MED28: variants seen among roughly 807,000 people sequenced by gnomAD.
MED28 encodes mediator of RNA polymerase II transcription subunit 28.
Under a neutral mutation model 21.3 loss-of-function variants are expected in MED28, and 26 were observed. The observed-to-expected ratio is 1.22, with a 90% confidence interval of 0.89 to 1.69. The LOEUF (loss-of-function observed/expected upper bound fraction) is 1.69. Ranked by LOEUF, MED28 falls within the 40% of genes most tolerant of loss-of-function variation. The probability of loss-of-function intolerance (pLI) is 0.00; values close to 1 mark genes in which losing one functional copy is unlikely to be tolerated. For synonymous variants in MED28, 110 were observed against 87.6 expected, an observed-to-expected ratio of 1.26 and a Z score of -1.43; for missense variants, 257 against 215.4, an observed-to-expected ratio of 1.19 and a Z score of -1.21.
Position 17,628,038 on chromosome 4 carries a change from TC to T in MED28, c.*4243del, listed in dbSNP as rs1714812724. ...TCCTGAGAAAGAAAAAAACCACCTG[TC>T]CCTGACATTCAGAAGCTGACAACAC... On this transcript the variant is annotated 3_prime_UTR_variant, in exon 4 of 4. Coordinates refer to ENST00000237380, the MANE Select transcript of MED28 (RefSeq NM_025205.5). 1 of 152,116 alleles carries T rather than the reference TC, an allele frequency of 6.6e-6. No homozygotes were observed. Among genetic ancestry groups the T allele is most frequent in the African/African-American group, 2.4e-5 (1 of 41,410 alleles). The allele number at this position is 152,116 out of a possible 1,614,324, so 9.4% of individuals were successfully genotyped here. A position where few individuals can be genotyped will look rare whatever the true frequency, so the allele number is the denominator to read the frequency against.
At chr4:17,619,782 T>C (rs774502417) in intron 1 of MED28, 119 bp from the exon 2 acceptor site, 67 of 809,362 alleles carry the variant, frequency 8.3e-5, no homozygotes, top group Non-Finnish European at 1.2e-4. Flanking sequence ...CCATCTCATA[T>C]GCAAACACAG....
chr4:17,614,941 T>C, intron 1 of MED28, 128 bp downstream of exon 1: 5 of 1,167,124 alleles, frequency 4.3e-6, no homozygotes, highest in Non-Finnish European at 6.0e-6. Context: ...AGGCTTAAAG[T>C]AAGTCACTTG....
Position 17,626,382 on chromosome 4 carries a change from TG to T in MED28, c.*2585del, listed in dbSNP as rs1455560346. The T allele has an allele frequency of 2.0e-5, 3 of 152,314 alleles. No homozygotes were observed. The highest frequency in any genetic ancestry group is 2.4e-5 in the African/African-American group (1 of 41,472). The allele number at this position is 152,314 out of a possible 1,614,324, so 9.4% of individuals were successfully genotyped here. On this transcript the variant is annotated 3_prime_UTR_variant, in exon 4 of 4. Coordinates refer to ENST00000237380, the MANE Select transcript of MED28 (RefSeq NM_025205.5). ...TGGGATTTAGGTGGGTTAAGTGATT[TG>T]CCCAAAGTCAAGAGGTTAGTCTTTA...
chr4:17,627,636 C>G lies in MED28; in HGVS notation c.*3838C>G, dbSNP rs1030948197. 2 of 152,270 alleles carry G rather than the reference C, an allele frequency of 1.3e-5. No homozygotes were observed. The highest frequency in any genetic ancestry group is 4.1e-4 in the South Asian group (2 of 4,826). 9.4% of individuals were successfully genotyped at this position (152,270 alleles called of 1,614,324 possible). Reference sequence around the variant, plus strand: ...CCTGCCCAGGGCATGCTGGTCCTGGCTGTCACCAAGCACAGTGGAGGTCAG... The same window carrying G: ...CCTGCCCAGGGCATGCTGGTCCTGGGTGTCACCAAGCACAGTGGAGGTCAG... On this transcript the variant is annotated 3_prime_UTR_variant, in exon 4 of 4. Coordinates refer to ENST00000237380, the MANE Select transcript of MED28 (RefSeq NM_025205.5).
At position 17,629,418 on chromosome 4, in the gene MED28, A is replaced by G. The variant is rs1029977602; in HGVS notation, c.*5620A>G. 3 of 152,202 alleles carry G rather than the reference A, an allele frequency of 2.0e-5. No individual in the cohort carries two copies. Among genetic ancestry groups the G allele is most frequent in the African/African-American group, 7.2e-5 (3 of 41,456 alleles). 9.4% of individuals were successfully genotyped at this position (152,202 alleles called of 1,614,324 possible). A position where few individuals can be genotyped will look rare whatever the true frequency, so the allele number is the denominator to read the frequency against. ...AAATTAACCAAGTAGCCTCAATCACAAATGTTGGGTTGGATATTACATCAG... is the reference window on the plus strand; with the variant it reads ...AAATTAACCAAGTAGCCTCAATCACGAATGTTGGGTTGGATATTACATCAG... On this transcript the variant is annotated 3_prime_UTR_variant, in exon 4 of 4. Coordinates refer to ENST00000237380, the MANE Select transcript of MED28 (RefSeq NM_025205.5).
rs1293415254 is a variant in MED28 at position 17,632,641 on chromosome 4, GGTT to G, written c.*8844_*8846del. The G allele has an allele frequency of 4.0e-6, 4 of 1,012,260 alleles. No individual in the cohort carries two copies. Among genetic ancestry groups the G allele is most frequent in the African/African-American group, 3.0e-5 (2 of 66,758 alleles). 62.7% of individuals were successfully genotyped at this position (1,012,260 alleles called of 1,614,324 possible). ...ATCTGGGGTCCTAAAAGCAAAAAAA[GGTT>G]TTTTTATATGGTTTTGAAAACTATG... On this transcript the variant is annotated 3_prime_UTR_variant, in exon 4 of 4. Transcript: ENST00000237380.
chr4:17,632,093 CAG>C lies in MED28; in HGVS notation c.*8296_*8297del, dbSNP rs1714970454. On this transcript the variant is annotated 3_prime_UTR_variant, in exon 4 of 4. Coordinates refer to ENST00000237380, the MANE Select transcript of MED28 (RefSeq NM_025205.5). ...TTTTTTTTTTTTTTTTTTTTGGAGA[CAG>C]GGTCTCCCTCTGTCACCCAGGCTGG... 1 of 83,232 alleles carries C rather than the reference CAG, an allele frequency of 1.2e-5. No homozygotes were observed. Among genetic ancestry groups the C allele is most frequent in the Admixed American group, 1.5e-4 (1 of 6,470 alleles). The allele number at this position is 83,232 out of a possible 1,614,324, so 5.2% of individuals were successfully genotyped here.
intron 2 of MED28, among the ~76,000 whole-genome samples, chr4:17,620,342 C>G (rs1714583799): frequency 7.0e-6 from 1 of 141,994 alleles, no homozygotes; most frequent in Non-Finnish European, 1.5e-5. Flanking sequence ...TTCTTCGTAC[C>G]ATATTTTACA....
chr4:17,626,327 C>G lies in MED28; in HGVS notation c.*2529C>G, dbSNP rs546593885. The G allele has an allele frequency of 1.3e-5, 2 of 152,282 alleles. No individual in the cohort carries two copies. Among genetic ancestry groups the G allele is most frequent in the Admixed American group, 1.3e-4 (2 of 15,276 alleles). 9.4% of individuals were successfully genotyped at this position (152,282 alleles called of 1,614,324 possible). A position where few individuals can be genotyped will look rare whatever the true frequency, so the allele number is the denominator to read the frequency against. Reference sequence around the variant, plus strand: ...TCAGGTGTTAGTGATTTCTGTTGTTCGGGAAGAGGAGGGTTATGGAGGAAG... The same window carrying G: ...TCAGGTGTTAGTGATTTCTGTTGTTGGGGAAGAGGAGGGTTATGGAGGAAG... On this transcript the variant is annotated 3_prime_UTR_variant, in exon 4 of 4. Transcript: ENST00000237380.
At chr4:17,620,810 C>T (rs536485032) in intron 2 of MED28, among the ~76,000 whole-genome samples, 3 of 151,664 alleles carry the variant, frequency 2.0e-5, no homozygotes, top group Admixed American at 6.6e-5. Flanking sequence ...TGAAGCAGTC[C>T]TCCCATTTCA....
At chr4:17,620,833 C>T (rs1230473108) in intron 2 of MED28, among the ~76,000 whole-genome samples, 3 of 151,548 alleles carry the variant, frequency 2.0e-5, no homozygotes, top group African/African-American at 7.3e-5. Flanking sequence ...CCCCCAGTAG[C>T]TGGGACCACA....
chr4:17,616,990 G>A (rs944501582), intron 1 of MED28, among the ~76,000 whole-genome samples: 4 of 152,208 alleles, frequency 2.6e-5, no homozygotes, highest in African/African-American at 9.7e-5. Flanking sequence ...CAGGAAGCTT[G>A]TAATAAACGG....
At position 17,629,881 on chromosome 4, in the gene MED28, A is replaced by T. The variant is rs1156744954; in HGVS notation, c.*6083A>T. On this transcript the variant is annotated 3_prime_UTR_variant, in exon 4 of 4. Coordinates refer to ENST00000237380, the MANE Select transcript of MED28 (RefSeq NM_025205.5). ...AATTGTTAGAAACTTTCTGAATGGC[A>T]GTTTGGTAATAACAAACAAAAAGCT... The T allele has an allele frequency of 6.6e-6, 1 of 152,250 alleles. No homozygotes were observed. The highest frequency in any genetic ancestry group is 1.5e-5 in the Non-Finnish European group (1 of 68,042). 9.4% of individuals were successfully genotyped at this position (152,250 alleles called of 1,614,324 possible).
At position 17,621,630 on chromosome 4, in the gene MED28, G is replaced by C; in HGVS notation, c.270G>C (p.Gln90His). The change falls in exon 3 of 4, where the codon CAG becomes CAC. Residue 90 changes from glutamine (Q) to histidine (H), a missense_variant. Coordinates refer to ENST00000237380, the MANE Select transcript of MED28 (RefSeq NM_025205.5). ...CIQKFLDIAR[Q>H]TECFFLQKRL... ...AGAAGTTTCTGGATATTGCAAGACAGACAGAATGTTTTTTCTTACAAAAAA... is the reference window on the plus strand; with the variant it reads ...AGAAGTTTCTGGATATTGCAAGACACACAGAATGTTTTTTCTTACAAAAAA... 1 of 1,610,586 alleles carries C rather than the reference G, an allele frequency of 6.2e-7. No homozygotes were observed. Among genetic ancestry groups the C allele is most frequent in the Non-Finnish European group, 8.5e-7 (1 of 1,179,238 alleles).
rs763185151 is a variant in MED28, at chr4:17,633,899, T to G, written c.*10101T>G. The G allele has an allele frequency of 3.9e-6, 6 of 1,538,376 alleles. No individual in the cohort carries two copies. The highest frequency in any genetic ancestry group is 1.8e-6 in the Non-Finnish European group (2 of 1,141,384). On this transcript the variant is annotated 3_prime_UTR_variant, in exon 4 of 4. Coordinates refer to ENST00000237380, the MANE Select transcript of MED28 (RefSeq NM_025205.5). ...CTCCACCTTCTTTTTCTGTTTGTAT[T>G]AATGGACAGGTTAGTGCAATGCAAT... is the stretch of plus-strand genomic sequence containing the variant.
intron 2 of MED28, among the ~76,000 whole-genome samples, chr4:17,621,135 C>G (rs1368804243): frequency 6.6e-6 from 1 of 151,734 alleles, no homozygotes; most frequent in Non-Finnish European, 1.5e-5. Context: ...CTGCCTCAGC[C>G]TCTTGAGTAG....
intron 1 of MED28, 76 bp downstream of exon 1, chr4:17,614,889 C>T: frequency 6.8e-7 from 1 of 1,475,802 alleles, no homozygotes; most frequent in Non-Finnish European, 9.1e-7. Flanking sequence ...ACGCGTATCT[C>T]CTCCAGGGAT....
chr4:17,619,516 G>A (rs746417929), intron 1 of MED28, among the ~76,000 whole-genome samples: 2 of 152,274 alleles, frequency 1.3e-5, no homozygotes, highest in South Asian at 2.1e-4. Flanking sequence ...AGGGTAGACC[G>A]GCTGCTGTCT....
chr4:17,614,686 G>A lies in MED28; in HGVS notation c.32G>A (p.Gly11Glu). The A allele has an allele frequency of 1.2e-6, 2 of 1,613,628 alleles. No individual in the cohort carries two copies. The highest frequency in any genetic ancestry group is 1.7e-6 in the Non-Finnish European group (2 of 1,179,916). Residue 11 changes from glycine (G) to glutamate (E), a missense_variant, in exon 1 of 4, where the codon GGG (glycine) becomes GAG (glutamate). Gly to Glu is a moderately conservative substitution (Grantham distance 98). Transcript: ENST00000237380. MAAPLGGMFS[G>E]QPPGPPQAPP... is the part of the protein sequence containing the mutation. ...GCTCCACTAGGGGGTATGTTTTCTG[G>A]GCAGCCACCCGGTCCCCCTCAGGCC...
Sources: gnomAD v4.1 joint callset for allele counts (sites outside exome capture counted in the v4.1 genomes callset) on GRCh38, gnomAD v4.1.1 for gene constraint, MANE v1.5 for transcripts, NCBI Gene and HGNC (gene_info 2026-07-23, HGNC 2026-07-21) for gene names.